CHN2: variants seen among roughly 807,000 people sequenced by gnomAD.
CHN2 encodes the protein chimerin 2, also known as beta-chimaerin.
CHN2 carries 35 observed loss-of-function variants against 56.3 expected under a neutral mutation model. The observed-to-expected ratio is 0.62, with a 90% CI of 0.47 to 0.82. CHN2 has a LOEUF of 0.82. Among genes scored for constraint, CHN2 ranks in the 40% least tolerant of loss-of-function variants. The pLI, the probability that CHN2 is intolerant of heterozygous loss-of-function variation, is 0.00. For synonymous variants in CHN2, 210 were observed against 212.8 expected (o/e 0.99, Z 0.12); for missense variants, 491 against 580.5 (o/e 0.85, Z 1.58).
At chr7:29,188,402 C>G (rs1298859380) in intron 2 of CHN2, among the ~76,000 whole-genome samples, 1 of 152,146 alleles carries the variant, frequency 6.6e-6, no homozygotes, top group African/African-American at 2.4e-5. Flanking sequence ...GAATCATTTT[C>G]TCATGCTTTG....
intron 6 of CHN2, among the ~76,000 whole-genome samples, chr7:29,474,723 G>A (rs1455284599): frequency 1.3e-5 from 2 of 152,196 alleles, no homozygotes; most frequent in East Asian, 3.9e-4. Context: ...AATACAGGGA[G>A]ACATACAGGA....
intron 6 of CHN2, among the ~76,000 whole-genome samples, chr7:29,463,330 A>G (rs910943254): frequency 6.6e-6 from 1 of 152,146 alleles, no homozygotes; most frequent in East Asian, 1.9e-4. Context: ...TAATGGAGCA[A>G]CAGAGCCCAT....
chr7:29,457,854 G>A (rs940794330), intron 6 of CHN2, among the ~76,000 whole-genome samples: 1 of 152,168 alleles, frequency 6.6e-6, no homozygotes, highest in African/African-American at 2.4e-5. Flanking sequence ...TTGTGCAGCT[G>A]TACTGGGGAC....
intron 1 of CHN2, among the ~76,000 whole-genome samples, chr7:29,239,716 C>T (rs1045346496): frequency 1.3e-5 from 2 of 152,154 alleles, no homozygotes; most frequent in Admixed American, 6.5e-5. Flanking sequence ...GGCCTCAGTG[C>T]TTGGATTCTC....
intron 2 of CHN2, among the ~76,000 whole-genome samples, chr7:29,170,414 G>T (rs1363516747): frequency 6.6e-6 from 1 of 152,034 alleles, no homozygotes. Flanking sequence ...CCAAAGATTT[G>T]CCCTTTCTTT....
At chr7:29,494,806 C>T (rs1257161844) in intron 7 of CHN2, among the ~76,000 whole-genome samples, 1 of 151,916 alleles carries the variant, frequency 6.6e-6, no homozygotes, top group Non-Finnish European at 1.5e-5. Flanking sequence ...TTGTTTGCCT[C>T]TTTATGTACA....
intron 3 of CHN2, chr7:29,380,630 AG>A (rs1800428550): frequency 6.6e-6 from 1 of 152,270 alleles, no homozygotes; most frequent in Non-Finnish European, 1.5e-5. Context: ...AAGTACGTAT[AG>A]TACCACTTAA....
intron 1 of CHN2, among the ~76,000 whole-genome samples, chr7:29,204,033 G>A (rs956660234): frequency 6.6e-6 from 1 of 151,112 alleles, no homozygotes; most frequent in African/African-American, 2.4e-5. Context: ...GGAAAGAGAA[G>A]CTGAGGAAAC....
chr7:29,481,399 C>G (rs542842675), intron 7 of CHN2, among the ~76,000 whole-genome samples: 156 of 152,280 alleles, frequency 1.0e-3, no homozygotes, highest in African/African-American at 3.6e-3. Flanking sequence ...CTTTCCGATC[C>G]TTTCTGAGGA....
At chr7:29,234,852 C>G (rs1177841104) in intron 1 of CHN2, among the ~76,000 whole-genome samples, 2 of 152,158 alleles carry the variant, frequency 1.3e-5, no homozygotes, top group Admixed American at 6.5e-5. Flanking sequence ...TTTTAATAAG[C>G]CTTTTCCCAA....
intron 1 of CHN2, among the ~76,000 whole-genome samples, chr7:29,216,930 TG>T (rs1214819624): frequency 6.6e-6 from 1 of 152,212 alleles, no homozygotes; most frequent in Non-Finnish European, 1.5e-5. Context: ...ATGAAGATGG[TG>T]TTAAGCTTTT....
intron 1 of CHN2, among the ~76,000 whole-genome samples, chr7:29,237,110 G>A (rs1787257075): frequency 6.6e-6 from 1 of 152,020 alleles, no homozygotes; most frequent in South Asian, 2.1e-4. Flanking sequence ...CTAACAGCCT[G>A]CCAACCAATA....
At chr7:29,510,067 C>G (rs1791122159) in intron 12 of CHN2, among the ~76,000 whole-genome samples, 1 of 152,138 alleles carries the variant, frequency 6.6e-6, no homozygotes, top group Non-Finnish European at 1.5e-5. Flanking sequence ...TTGCTTGCCC[C>G]TTTCCAGGCT....
At chr7:29,310,593 A>T (rs1794525866) in intron 1 of CHN2, among the ~76,000 whole-genome samples, 1 of 152,236 alleles carries the variant, frequency 6.6e-6, no homozygotes, top group African/African-American at 2.4e-5. Flanking sequence ...TAAAAATTAG[A>T]TGACTGTCTT....
chr7:29,383,268 G>A (rs1800664721), intron 3 of CHN2, among the ~76,000 whole-genome samples: 1 of 152,098 alleles, frequency 6.6e-6, no homozygotes. Context: ...GTTGCAGGTG[G>A]TGTAGTTGGA....
chr7:29,155,514 T>G (rs1487294087), intron 2 of CHN2, among the ~76,000 whole-genome samples: 3 of 152,160 alleles, frequency 2.0e-5, no homozygotes, highest in Non-Finnish European at 4.4e-5. Flanking sequence ...ATAGAGATGT[T>G]CAAACATGTG....
At chr7:29,385,650 G>A (rs931866992) in intron 3 of CHN2, among the ~76,000 whole-genome samples, 3 of 152,172 alleles carry the variant, frequency 2.0e-5, no homozygotes, top group Non-Finnish European at 4.4e-5. Context: ...TTTGAGCAGA[G>A]AACAATGTGA....
intron 7 of CHN2, 150 bp downstream of exon 7, chr7:29,480,506 T>C: frequency 1.2e-6 from 1 of 812,688 alleles, no homozygotes; most frequent in South Asian, 1.8e-5. Flanking sequence ...CACCTGCGCT[T>C]TCTGTCAGTT....
intron 1 of CHN2, among the ~76,000 whole-genome samples, chr7:29,231,187 G>A (rs1022797521): frequency 6.6e-6 from 1 of 152,174 alleles, no homozygotes; most frequent in Admixed American, 6.5e-5. Context: ...TGTATCTGCT[G>A]GCTTACTTTC....
Sources: allele counts gnomAD v4.1 joint callset (sites outside exome capture counted in the v4.1 genomes callset), GRCh38; gene constraint gnomAD v4.1.1; transcripts MANE v1.5; gene names NCBI Gene and HGNC (gene_info 2026-07-23, HGNC 2026-07-21).